Variants in PKHD1 observed in about 807,000 individuals in gnomAD.
PKHD1 encodes fibrocystin.
A neutral mutation model predicts 412.0 loss-of-function variants in PKHD1; 291 were observed. That is an observed-to-expected ratio of 0.71 (90% CI 0.64 to 0.78). PKHD1 has a LOEUF of 0.78. Among genes scored for constraint, PKHD1 ranks in the 30% least tolerant of loss-of-function variants. The pLI, the probability that PKHD1 is intolerant of heterozygous loss-of-function variation, is 0.00. For synonymous variants in PKHD1, 1,777 were observed against 1,821.5 expected (o/e 0.98, Z 0.62); for missense variants, 4,825 against 4,950.7 (o/e 0.97, Z 0.76).
At chr6:52,011,885 C>G (rs1799875711) in intron 34 of PKHD1, among the ~76,000 whole-genome samples, 1 of 152,218 alleles carries the variant, frequency 6.6e-6, no homozygotes, top group Non-Finnish European at 1.5e-5. Context: ...GGGCTGACCA[C>G]TGGGACTCCG....
chr6:51,911,746 A>G (rs1448419318), intron 39 of PKHD1, 53 bp downstream of exon 39: 1 of 1,466,142 alleles, frequency 6.8e-7, no homozygotes, highest in African/African-American at 1.4e-5. Context: ...ATCATCAGAC[A>G]GTAAGAATAT....
rs545402795 is a variant in PKHD1, at chr6:51,670,032, G to T, written c.10157-10063C>A. ...AAAAATTGTATATTCTGGTGATTTG[G>T]GGTGGAGAGTTCTGTAGATGTCTAC... On this transcript the variant is annotated intron_variant, in intron 60 of 66. Transcript: ENST00000371117. 8.0e-5 allele frequency among the ~76,000 whole-genome samples: 12 copies of T among 150,880 alleles called. No individual in the cohort carries two copies. The South Asian group carries it at 2.2e-3, about 27-fold the overall frequency.
intron 36 of PKHD1, among the ~76,000 whole-genome samples, chr6:51,948,242 T>C (rs183379573): frequency 2.6e-5 from 4 of 152,324 alleles, no homozygotes; most frequent in East Asian, 3.9e-4. Context: ...CTTCTTTTCA[T>C]GTGAACCATA....
At chr6:51,674,899 GC>G (rs1462099779) in intron 60 of PKHD1, among the ~76,000 whole-genome samples, 4 of 152,124 alleles carry the variant, frequency 2.6e-5, no homozygotes, top group African/African-American at 9.7e-5. Context: ...AAAGACAATA[GC>G]CTAGGGATTA....
chr6:51,949,194 T>C (rs183847854), intron 36 of PKHD1, among the ~76,000 whole-genome samples: 1 of 152,342 alleles, frequency 6.6e-6, no homozygotes, highest in African/African-American at 2.4e-5. Flanking sequence ...CCTACATTGA[T>C]TAACCCCCAA....
intron 52 of PKHD1, among the ~76,000 whole-genome samples, chr6:51,808,641 C>T (rs9296661): frequency 0.57 from 86,088 of 151,790 alleles, 24,783 homozygotes; most frequent in East Asian, 0.77. Context: ...GCTGTGCAGA[C>T]TTCTTATTTG....
At chr6:51,855,503 G>A (rs1341890287) in intron 49 of PKHD1, among the ~76,000 whole-genome samples, 1 of 152,074 alleles carries the variant, frequency 6.6e-6, no homozygotes, top group Non-Finnish European at 1.5e-5. Context: ...TAAATGCTTT[G>A]GTAAGGCATT....
chr6:51,666,399 AT>A (rs1773783363), intron 60 of PKHD1, among the ~76,000 whole-genome samples: 1 of 152,146 alleles, frequency 6.6e-6, no homozygotes, highest in Non-Finnish European at 1.5e-5. Context: ...ATGTTGTAAT[AT>A]TTTTTATAGA....
Position 52,033,070 on chromosome 6 carries a change from T to C in PKHD1, c.3324A>G (p.Pro1108=), listed in dbSNP as rs775820981. The C allele has an allele frequency of 1.2e-6, 2 of 1,612,336 alleles. No homozygotes were observed. Among genetic ancestry groups the C allele is most frequent in the East Asian group, 4.5e-5 (2 of 44,866 alleles). The change falls in exon 29 of 67, where the codon CCA becomes CCG. Residue 1108 remains proline (P), a synonymous_variant. Transcript: ENST00000371117. ...RAFTYVSSLN[P]VIVTLSRNIS... is the part of the protein sequence containing the mutation. ...TGTTTCTGCTCAGAGTCACAATAAC[T>C]GGATTTAAGGAAGAGACATATGTAA...
intron 34 of PKHD1, among the ~76,000 whole-genome samples, chr6:52,011,704 G>C (rs756490808): frequency 5.9e-5 from 9 of 152,186 alleles, no homozygotes; most frequent in Non-Finnish European, 1.0e-4. Flanking sequence ...GAAATAATGA[G>C]CAGGATAACT....
chr6:51,989,822 T>C (rs2128062892), intron 35 of PKHD1, among the ~76,000 whole-genome samples: 1 of 140,570 alleles, frequency 7.1e-6, no homozygotes, highest in South Asian at 2.4e-4. Flanking sequence ...AAGGTCTGTC[T>C]TAATTTTTTT....
Position 51,744,385 on chromosome 6 carries a change from C to T in PKHD1, c.10156G>A (p.Gly3386Ser). 1.2e-6 allele frequency: 2 copies of T among 1,613,664 alleles called. No homozygotes were observed. Among genetic ancestry groups the T allele is most frequent in the Non-Finnish European group, 1.7e-6 (2 of 1,179,622 alleles). The part of the protein sequence containing the change: ...AEWTASFFNA[G>S]TFREEQKCTY... ...GGCATTGCATTCAGATATAGCTTAC[C>T]TGCGTTGAAGAAGGATGCAGTCCAT... Residue 3386 changes from glycine (G) to serine (S), a missense_variant and splice_region_variant, in exon 60 of 67, where the codon GGT becomes AGT. Gly to Ser is a moderately conservative substitution (Grantham distance 56). Coordinates refer to ENST00000371117, the MANE Select transcript of PKHD1 (RefSeq NM_138694.4).
chr6:51,666,242 C>T (rs758276412), intron 60 of PKHD1, among the ~76,000 whole-genome samples: 18 of 152,056 alleles, frequency 1.2e-4, no homozygotes, highest in Non-Finnish European at 2.5e-4. Flanking sequence ...AAAAAAATCA[C>T]AACACAATTA....
At chr6:51,934,431 T>C in intron 36 of PKHD1, 109 bp from the exon 37 acceptor site, 1 of 752,856 alleles carries the variant, frequency 1.3e-6, no homozygotes, top group Non-Finnish European at 2.4e-6. Flanking sequence ...TGCTGGAATG[T>C]AGACTTATTT....
At chr6:51,651,813 G>A (rs958805089) in intron 61 of PKHD1, among the ~76,000 whole-genome samples, 1 of 152,120 alleles carries the variant, frequency 6.6e-6, no homozygotes, top group Non-Finnish European at 1.5e-5. Flanking sequence ...GCGTTATTGG[G>A]TGCTAGAAGG....
rs186790687 is a variant in PKHD1, at chr6:51,731,924, T to C, written c.10156+12461A>G. ...TTAGGTATATTTTAAACAATGTTTA[T>C]ATGTGATTCTACTTTTTCAGTTGCA... On this transcript the variant is annotated intron_variant, in intron 60 of 66. Transcript: ENST00000371117. 3.3e-5 allele frequency among the ~76,000 whole-genome samples: 5 copies of C among 152,302 alleles called. No individual in the cohort carries two copies. In the East Asian group the frequency reaches 5.8e-4, roughly 18 times the overall value.
intron 34 of PKHD1, among the ~76,000 whole-genome samples, chr6:52,012,001 G>T (rs993610272): frequency 6.6e-6 from 1 of 152,202 alleles, no homozygotes; most frequent in African/African-American, 2.4e-5. Flanking sequence ...TCTCAGAGCT[G>T]CAGCTTTCTG....
intron 60 of PKHD1, among the ~76,000 whole-genome samples, chr6:51,700,107 T>C (rs1252032390): frequency 2.0e-5 from 3 of 152,100 alleles, no homozygotes; most frequent in Non-Finnish European, 2.9e-5. Context: ...ACATTAACTA[T>C]GCTATAATTC....
At chr6:51,867,508 A>G (rs1008217089) in intron 48 of PKHD1, among the ~76,000 whole-genome samples, 1 of 152,128 alleles carries the variant, frequency 6.6e-6, no homozygotes, top group Non-Finnish European at 1.5e-5. Context: ...CATGTATATA[A>G]ATGAGAATGG....
Sources: allele counts gnomAD v4.1 joint callset (sites outside exome capture counted in the v4.1 genomes callset), GRCh38; gene constraint gnomAD v4.1.1; transcripts MANE v1.5; gene names NCBI Gene and HGNC (gene_info 2026-07-23, HGNC 2026-07-21).